The following KCNQ5 variants were observed in gnomAD, a reference collection of about 807,000 sequenced individuals.
The protein encoded by KCNQ5 is potassium voltage-gated channel subfamily Q member 5.
A neutral mutation model predicts 98.2 loss-of-function variants in KCNQ5; 30 were observed. That is an observed-to-expected ratio of 0.31 (90% CI 0.23 to 0.41). KCNQ5 has a LOEUF of 0.41. Ranked by LOEUF, KCNQ5 falls within the 10% of genes least tolerant of loss-of-function variation. KCNQ5 has a pLI of 1.00. For missense variants in KCNQ5, 835 were observed against 1,182.5 expected, an observed-to-expected ratio of 0.71 and a Z score of 4.31; for synonymous variants, 458 against 449.4, an observed-to-expected ratio of 1.02 and a Z score of -0.24.
chr6:72,866,242 C>T (rs868161830), intron 1 of KCNQ5, among the ~76,000 whole-genome samples: 13 of 149,668 alleles, frequency 8.7e-5, no homozygotes, highest in African/African-American at 3.0e-4. Flanking sequence ...TAGTTTCCTC[C>T]GCCATCTCCC....
chr6:73,183,655 AAACTT>A (rs1343606553), intron 11 of KCNQ5, among the ~76,000 whole-genome samples: 8 of 152,210 alleles, frequency 5.3e-5, no homozygotes, highest in African/African-American at 1.7e-4. Flanking sequence ...ATGCTTTCTC[AAACTT>A]AGCTTGGACA....
chr6:73,134,036 C>T, intron 10 of KCNQ5: 1 of 472,346 alleles, frequency 2.1e-6, no homozygotes, highest in South Asian at 1.6e-5. Flanking sequence ...TATCTTGAAA[C>T]ACAGTAAGGA....
chr6:73,118,227 A>C (rs1299406816), intron 7 of KCNQ5, among the ~76,000 whole-genome samples: 1 of 152,198 alleles, frequency 6.6e-6, no homozygotes, highest in Non-Finnish European at 1.5e-5. Flanking sequence ...ACCTTCTAAC[A>C]GCGTAGAATA....
intron 9 of KCNQ5, chr6:73,125,598 TAATAATATATTTATGC>T: frequency 4.3e-6 from 1 of 233,200 alleles, no homozygotes; most frequent in Non-Finnish European, 8.3e-6. Flanking sequence ...ATTATATTAA[TAATAATATATTTATGC>T]AATACTGAAG....
intron 8 of KCNQ5, 33 bp from the exon 9 acceptor site, chr6:73,124,453 C>T: frequency 6.2e-7 from 1 of 1,610,714 alleles, no homozygotes; most frequent in East Asian, 2.2e-5. Flanking sequence ...ACTGGTTTAT[C>T]ATCATTTCTC....
intron 1 of KCNQ5, chr6:72,987,369 C>A: frequency 1.4e-6 from 1 of 718,918 alleles, no homozygotes; most frequent in Non-Finnish European, 2.6e-6. Flanking sequence ...AGAGATCGAT[C>A]GAGAGTCAGG....
At chr6:73,181,101 C>T (rs914242075) in intron 11 of KCNQ5, among the ~76,000 whole-genome samples, 11 of 152,142 alleles carry the variant, frequency 7.2e-5, no homozygotes, top group Non-Finnish European at 1.3e-4. Context: ...ATGTCGTCTA[C>T]CCAGAGTTTC....
intron 1 of KCNQ5, among the ~76,000 whole-genome samples, chr6:72,736,084 TAC>T (rs59201837): frequency 0.12 from 17,243 of 148,326 alleles, 1,004 homozygotes; most frequent in South Asian, 0.18. Context: ...TGTGTACACA[TAC>T]ACACACACAC....
At chr6:73,151,403 CTT>C (rs1300194026) in intron 10 of KCNQ5, among the ~76,000 whole-genome samples, 1 of 152,140 alleles carries the variant, frequency 6.6e-6, no homozygotes, top group Admixed American at 6.5e-5. Flanking sequence ...AGATTTCACT[CTT>C]TTTTCACTCT....
chr6:73,097,483 T>A (rs1165579380), intron 5 of KCNQ5, among the ~76,000 whole-genome samples: 2 of 152,154 alleles, frequency 1.3e-5, no homozygotes, highest in Non-Finnish European at 2.9e-5. Context: ...ATAGCTAACA[T>A]TATACTCCAC....
At chr6:73,082,599 G>A (rs796496489) in intron 5 of KCNQ5, among the ~76,000 whole-genome samples, 6 of 152,256 alleles carry the variant, frequency 3.9e-5, no homozygotes, top group South Asian at 2.1e-4. Flanking sequence ...TTACACACAC[G>A]TATATATAAG....
At chr6:73,058,194 C>T (rs1451210162) in intron 3 of KCNQ5, among the ~76,000 whole-genome samples, 5 of 152,120 alleles carry the variant, frequency 3.3e-5, no homozygotes, top group African/African-American at 7.2e-5. Flanking sequence ...AGGCGGATCA[C>T]GAGGTCAGGA....
intron 1 of KCNQ5, among the ~76,000 whole-genome samples, chr6:72,668,966 G>A (rs1766962143): frequency 6.6e-6 from 1 of 151,890 alleles, no homozygotes; most frequent in Non-Finnish European, 1.5e-5. Flanking sequence ...TGGGGATATG[G>A]ACTTCAATGT....
At chr6:72,749,734 A>G (rs1221625327) in intron 1 of KCNQ5, among the ~76,000 whole-genome samples, 1 of 151,854 alleles carries the variant, frequency 6.6e-6, no homozygotes, top group African/African-American at 2.4e-5. Flanking sequence ...TTAAAAAAAT[A>G]TATTTTTATT....
At chr6:73,115,543 C>T (rs1171609894) in intron 7 of KCNQ5, among the ~76,000 whole-genome samples, 1 of 152,076 alleles carries the variant, frequency 6.6e-6, no homozygotes, top group Non-Finnish European at 1.5e-5. Context: ...CTGAGCAGGA[C>T]AGAGCCAAAG....
intron 1 of KCNQ5, among the ~76,000 whole-genome samples, chr6:72,900,465 T>TGA (rs1554183555): frequency 1.4e-5 from 2 of 147,456 alleles, no homozygotes; most frequent in Admixed American, 1.4e-4. Flanking sequence ...ATGATTTATT[T>TGA]TATATATATT....
At chr6:72,942,804 C>T (rs1187342737) in intron 1 of KCNQ5, among the ~76,000 whole-genome samples, 1 of 152,152 alleles carries the variant, frequency 6.6e-6, no homozygotes, top group African/African-American at 2.4e-5. Flanking sequence ...TCACTTTGAC[C>T]TTGGCCTGCA....
At chr6:72,731,341 G>T (rs1770541347) in intron 1 of KCNQ5, among the ~76,000 whole-genome samples, 1 of 152,184 alleles carries the variant, frequency 6.6e-6, no homozygotes, top group Admixed American at 6.5e-5. Flanking sequence ...TTTAGAAGCA[G>T]AAAAGCAGTG....
intron 9 of KCNQ5, among the ~76,000 whole-genome samples, chr6:73,130,007 T>TTGTTGCC (rs910431068): frequency 1.3e-5 from 2 of 152,216 alleles, no homozygotes; most frequent in Non-Finnish European, 1.5e-5. Context: ...GAAATTTTCC[T>TTGTTGCC]TGTTGCCTGT....
Sources: allele counts gnomAD v4.1 joint callset (sites outside exome capture counted in the v4.1 genomes callset), GRCh38; gene constraint gnomAD v4.1.1; transcripts MANE v1.5; gene names NCBI Gene and HGNC (gene_info 2026-07-23, HGNC 2026-07-21).